CHL1: variants seen among roughly 807,000 people sequenced by gnomAD.
The protein encoded by CHL1 is neural cell adhesion molecule L1-like protein.
In CHL1, 96 loss-of-function variants were observed where a neutral mutation model predicts 141.9. That is an observed-to-expected ratio of 0.68 (90% CI 0.57 to 0.80). The LOEUF is 0.80. Ranked by LOEUF, CHL1 falls within the 30% of genes least tolerant of loss-of-function variation. CHL1 has a pLI of 0.00. For synonymous variants in CHL1, 613 were observed against 502.2 expected (o/e 1.22, Z -2.95); for missense variants, 1,820 against 1,457.2 (o/e 1.25, Z -4.05).
At chr3:387,685 C>G (rs1228308433) in intron 19 of CHL1, among the ~76,000 whole-genome samples, 1 of 152,206 alleles carries the variant, frequency 6.6e-6, no homozygotes, top group African/African-American at 2.4e-5. Context: ...CAGTACGGCA[C>G]TACAAGCCCA....
Position 389,458 on chromosome 3 carries a change from C to T in CHL1, c.2454C>T (p.Leu818=), listed in dbSNP as rs1469585656. ...GGCCTGACCCTCAGTCAGTGACTCT[C>T]TATTCTGGAGAAGACTGTAAGTGAT... ...GSGPDPQSVT[L]YSGEDYPDTA... Residue 818 remains leucine, a synonymous_variant, in exon 20 of 28, where the codon CTC becomes CTT. Transcript: ENST00000256509. 2 of 1,613,938 alleles carry T rather than the reference C, an allele frequency of 1.2e-6. No homozygotes were observed. The highest frequency in any genetic ancestry group is 1.7e-6 in the Non-Finnish European group (2 of 1,179,820).
rs73817637 is a variant in CHL1, at chr3:346,103, T to C, written c.848+1394T>C. Among the ~76,000 whole-genome samples, 266 of 152,308 alleles carry C rather than the reference T, an allele frequency of 1.7e-3. 3 individuals are homozygous for C. Among genetic ancestry groups the C allele is most frequent in the African/African-American group, 6.2e-3 (256 of 41,578 alleles). Reference sequence around the variant, plus strand: ...CTAGGATTTGAAATTCAAAAAATCATATTCATTCATAATTTAGAGTACATT... The same window carrying C: ...CTAGGATTTGAAATTCAAAAAATCACATTCATTCATAATTTAGAGTACATT... On this transcript the variant is annotated intron_variant, in intron 9 of 27. Coordinates refer to ENST00000256509, the MANE Select transcript of CHL1 (RefSeq NM_006614.4).
chr3:401,640 G>T lies in CHL1; in HGVS notation c.3400G>T (p.Asp1134Tyr). 6.3e-7 allele frequency: 1 copy of T among 1,592,432 alleles called. No individual in the cohort carries two copies. The highest frequency in any genetic ancestry group is 1.4e-5 in the African/African-American group (1 of 73,904). Reference sequence around the variant, plus strand: ...CTCTTTTTTAGTTAAAGAAAAGGAAGATTTGCATCCAGACCCAGAAATTCA... The same window carrying T: ...CTCTTTTTTAGTTAAAGAAAAGGAATATTTGCATCCAGACCCAGAAATTCA... The part of the protein sequence containing the change: ...GGKYSVKEKE[D>Y]LHPDPEIQSV... The change falls in exon 27 of 28, where the codon GAT becomes TAT. Residue 1134 changes from aspartate (D) to tyrosine (Y), a missense_variant. Asp to Tyr is a radical substitution (Grantham distance 160). Transcript: ENST00000256509.
In CHL1 at chr3:392,960, A is replaced by ATTGAGTATAC. The variant is rs1553605197; in HGVS notation, c.2914+1164_2914+1165insTGAGTATACT. 3.3e-5 allele frequency among the ~76,000 whole-genome samples: 5 copies of ATTGAGTATAC among 151,976 alleles called. No homozygotes were observed. The South Asian group carries it at 6.2e-4, about 19-fold the overall frequency. On this transcript the variant is annotated intron_variant, in intron 23 of 27. Transcript: ENST00000256509. ...TTTATGAATGAGGGAATTGATGTAC[A>ATTGAGTATAC]TCAGAGTCAAGTAGTAAAATAAGTG...
At chr3:328,499 CT>C (rs1452357527) in intron 5 of CHL1, 145 bp downstream of exon 5, 2 of 603,684 alleles carry the variant, frequency 3.3e-6, no homozygotes, top group African/African-American at 1.9e-5. Context: ...GAAAAATTTC[CT>C]CCAGGTCTTG....
At chr3:245,571 T>C (rs1006115462) in intron 2 of CHL1, among the ~76,000 whole-genome samples, 1 of 152,184 alleles carries the variant, frequency 6.6e-6, no homozygotes, top group African/African-American at 2.4e-5. Context: ...AATGGTTTTC[T>C]TACTTTCTCA....
intron 19 of CHL1, chr3:384,590 T>A (rs1219374864): frequency 6.6e-6 from 1 of 152,218 alleles, no homozygotes; most frequent in Non-Finnish European, 1.5e-5. Flanking sequence ...TCTAGGGTCA[T>A]TTCCAAATTT....
At chr3:303,233 T>C (rs1268811668) in intron 2 of CHL1, among the ~76,000 whole-genome samples, 1 of 152,202 alleles carries the variant, frequency 6.6e-6, no homozygotes, top group African/African-American at 2.4e-5. Flanking sequence ...AGGCTCTTTT[T>C]TGGTTCCATA....
intron 2 of CHL1, among the ~76,000 whole-genome samples, chr3:290,743 G>T (rs1697611122): frequency 6.6e-6 from 1 of 151,980 alleles, no homozygotes; most frequent in Non-Finnish European, 1.5e-5. Flanking sequence ...ATGGCAATAA[G>T]GTGATTGGAG....
At chr3:281,956 A>G (rs946072223) in intron 2 of CHL1, among the ~76,000 whole-genome samples, 3 of 152,218 alleles carry the variant, frequency 2.0e-5, no homozygotes, top group Non-Finnish European at 2.9e-5. Context: ...CATTTCAAAA[A>G]CTATTCTGCT....
rs1217642012 is a variant in CHL1, at chr3:230,262, G to GGAAGTGGTGACTCTTTCT, written c.-174-14349_-174-14332dup. 9.9e-5 allele frequency among the ~76,000 whole-genome samples: 15 copies of GGAAGTGGTGACTCTTTCT among 152,270 alleles called. No homozygotes were observed. The East Asian group carries it at 2.9e-3, about 29-fold the overall frequency. ...TGCCTGGATTATGTGAAGAGATGAA[G>GGAAGTGGTGACTCTTTCT]GAAGTGGTGACTCTTTCTGGCTTTT... On this transcript the variant is annotated intron_variant, in intron 1 of 27. Coordinates refer to ENST00000256509, the MANE Select transcript of CHL1 (RefSeq NM_006614.4).
Position 326,177 on chromosome 3 carries a change from T to C in CHL1, c.197+113T>C, listed in dbSNP as rs112858799. 1,077 of 589,144 alleles carry C rather than the reference T, an allele frequency of 1.8e-3. 7 individuals are homozygous for C. The African/African-American group carries it at 0.019, about 10-fold the overall frequency. 36.5% of individuals were successfully genotyped at this position (589,144 alleles called of 1,614,324 possible). On this transcript the variant is annotated intron_variant, in intron 4 of 27. Coordinates refer to ENST00000256509, the MANE Select transcript of CHL1 (RefSeq NM_006614.4). ...CTATGAATCCACGCATGATTAAAGCTAAGGGTTTACAAAAAATCATATCCA... is the reference window on the plus strand; with the variant it reads ...CTATGAATCCACGCATGATTAAAGCCAAGGGTTTACAAAAAATCATATCCA...
intron 1 of CHL1, among the ~76,000 whole-genome samples, chr3:242,417 A>G (rs966435951): frequency 5.8e-5 from 8 of 138,732 alleles, no homozygotes. Flanking sequence ...TAACACGGTG[A>G]AACCCCGTCT....
Position 363,382 on chromosome 3 carries a change from A to G in CHL1, c.1584A>G (p.Arg528=). ...KTAVTANLDI[R]NATKLRVSPK... ...CAGTCACAGCCAATTTGGATATTAG[A>G]AGTATTTTTATTTCACTGTTACTTT... Residue 528 remains arginine (R), a splice_region_variant and synonymous_variant, in exon 14 of 28, where the codon AGA becomes AGG. Transcript: ENST00000256509. 2 of 1,608,708 alleles carry G rather than the reference A, an allele frequency of 1.2e-6. No individual in the cohort carries two copies. The highest frequency in any genetic ancestry group is 1.7e-6 in the Non-Finnish European group (2 of 1,177,710).
intron 16 of CHL1, among the ~76,000 whole-genome samples, chr3:380,228 G>A (rs1706866118): frequency 6.6e-6 from 1 of 152,122 alleles, no homozygotes; most frequent in Non-Finnish European, 1.5e-5. Context: ...TGGCTTTAAT[G>A]TTTGGACACA....
chr3:247,457 A>G (rs569981826), intron 2 of CHL1: 1 of 152,182 alleles, frequency 6.6e-6, no homozygotes, highest in Admixed American at 6.6e-5. Flanking sequence ...TTTTATTTTC[A>G]TCATTACCTC....
chr3:282,817 G>A (rs888341414), intron 2 of CHL1: 3 of 152,224 alleles, frequency 2.0e-5, no homozygotes, highest in African/African-American at 7.2e-5. Context: ...TACTGCAATA[G>A]AAATGAGGAA....
At chr3:225,241 G>A (rs13069075) in intron 1 of CHL1, among the ~76,000 whole-genome samples, 11,384 of 152,154 alleles carry the variant, frequency 0.075, 519 homozygotes, top group African/African-American at 0.13. Context: ...TATGTAACAC[G>A]TTTTCTGTTA....
intron 2 of CHL1, among the ~76,000 whole-genome samples, chr3:318,336 C>G (rs756981323): frequency 1.3e-5 from 2 of 151,830 alleles, no homozygotes; most frequent in African/African-American, 4.8e-5. Flanking sequence ...AAAGACTTTA[C>G]TATCTCTGTG....
Sources: gnomAD v4.1 joint callset for allele counts (sites outside exome capture counted in the v4.1 genomes callset) on GRCh38, gnomAD v4.1.1 for gene constraint, MANE v1.5 for transcripts, NCBI Gene and HGNC (gene_info 2026-07-23, HGNC 2026-07-21) for gene names.